DISP1: variants seen among roughly 807,000 people sequenced by gnomAD.
DISP1 encodes the protein dispatched RND transporter family member 1.
Under a neutral mutation model 37.3 loss-of-function variants are expected in DISP1, and 30 were observed. The observed-to-expected ratio is 0.80, with a 90% CI of 0.60 to 1.09. The LOEUF (loss-of-function observed/expected upper bound fraction) is 1.09, where lower values mean the gene tolerates loss of function less well. Ranked by LOEUF, DISP1 falls within the 50% of genes least tolerant of loss-of-function variation. The probability of loss-of-function intolerance (pLI) is 0.00; values close to 1 mark genes in which losing one functional copy is unlikely to be tolerated. For missense variants in DISP1, 1,598 were observed against 1,879.5 expected, an observed-to-expected ratio of 0.85 and a Z score of 2.77; for synonymous variants, 634 against 690.2, an observed-to-expected ratio of 0.92 and a Z score of 1.28.
At chr1:222,833,245 A>G (rs546322107) in intron 1 of DISP1, among the ~76,000 whole-genome samples, 63 of 152,322 alleles carry the variant, frequency 4.1e-4, no homozygotes, top group Non-Finnish European at 8.4e-4. Flanking sequence ...CAAAGTGATA[A>G]GAGTTGAGAT....
rs545934949 is a variant in DISP1, at chr1:222,874,832, G to A, written c.-158-53598G>A. 3.1e-3 allele frequency among the ~76,000 whole-genome samples: 476 copies of A among 151,972 alleles called. 2 individuals are homozygous for A. Among genetic ancestry groups the A allele is most frequent in the Non-Finnish European group, 5.0e-3 (338 of 67,932 alleles). On this transcript the variant is annotated intron_variant, in intron 1 of 8. Transcript: ENST00000675850. ...TGCGTTCCTTTGGAGGAGGAGAGGC[G>A]CTCTGATTTTTAGAGTTTCCTGTTT...
intron 2 of DISP1, among the ~76,000 whole-genome samples, chr1:222,937,004 TA>T: frequency 1.0e-5 from 1 of 98,332 alleles, no homozygotes; most frequent in Non-Finnish European, 2.0e-5. Flanking sequence ...TTATATAATA[TA>T]GAATATTATA....
At chr1:222,829,575 G>A (rs1406632369) in intron 1 of DISP1, among the ~76,000 whole-genome samples, 1 of 151,952 alleles carries the variant, frequency 6.6e-6, no homozygotes, top group East Asian at 1.9e-4. Context: ...GAGTAGCTGG[G>A]ATTACAGGCG....
chr1:222,844,801 TTCTG>T (rs1365292603), intron 1 of DISP1, among the ~76,000 whole-genome samples: 1 of 152,156 alleles, frequency 6.6e-6, no homozygotes, highest in African/African-American at 2.4e-5. Flanking sequence ...ATAATTGTAT[TTCTG>T]TGTGAGTCGT....
chr1:222,883,920 G>A (rs1234601682), intron 1 of DISP1, among the ~76,000 whole-genome samples: 2 of 152,138 alleles, frequency 1.3e-5, no homozygotes, highest in East Asian at 3.9e-4. Context: ...GGTGAGAGGG[G>A]CTCTGATTGT....
intron 1 of DISP1, chr1:222,836,891 A>G: frequency 5.1e-6 from 2 of 390,976 alleles, no homozygotes; most frequent in Non-Finnish European, 9.0e-6. Context: ...TAGGTAAATA[A>G]CTCTGATTTT....
At position 223,002,764 on chromosome 1, in the gene DISP1, C is replaced by T; in HGVS notation, c.1367C>T (p.Ser456Phe). 6.2e-7 allele frequency: 1 copy of T among 1,614,194 alleles called. No homozygotes were observed. The highest frequency in any genetic ancestry group is 8.5e-7 in the Non-Finnish European group (1 of 1,180,038). The change falls in exon 9 of 9, where the codon TCT becomes TTT. Residue 456 changes from serine to phenylalanine, a missense_variant. Ser to Phe is a radical substitution (Grantham distance 155). Coordinates refer to ENST00000675850, the MANE Select transcript of DISP1 (RefSeq NM_001377229.1). Reference sequence around the variant, plus strand: ...GCTTTAAAATACAGCATGCTCTTCTCTCCCACAGAGAAAGGGGAGAGCATG... The same window carrying T: ...GCTTTAAAATACAGCATGCTCTTCTTTCCCACAGAGAAAGGGGAGAGCATG... Reference protein sequence around the residue: ...TPALKYSMLFSPTEKGESMMN... With the variant: ...TPALKYSMLFFPTEKGESMMN...
chr1:222,828,866 A>G (rs905854572), intron 1 of DISP1, among the ~76,000 whole-genome samples: 4 of 152,134 alleles, frequency 2.6e-5, no homozygotes, highest in Non-Finnish European at 5.9e-5. Flanking sequence ...AAATACAACA[A>G]TTTTTGGTGA....
intron 3 of DISP1, among the ~76,000 whole-genome samples, chr1:222,981,184 C>A (rs1363326703): frequency 1.3e-5 from 2 of 152,228 alleles, no homozygotes; most frequent in African/African-American, 4.8e-5. Context: ...GAGGTTAATA[C>A]TTTTTGCCCT....
intron 3 of DISP1, chr1:222,943,576 G>A: frequency 1.7e-6 from 1 of 583,760 alleles, no homozygotes; most frequent in Admixed American, 3.1e-5. Context: ...AAACTGGTTA[G>A]GAATATCTGC....
At chr1:222,980,594 C>T (rs910318826) in intron 3 of DISP1, among the ~76,000 whole-genome samples, 1 of 152,124 alleles carries the variant, frequency 6.6e-6, no homozygotes, top group Admixed American at 6.5e-5. Context: ...ACTGATCTGA[C>T]ATCCACAAAG....
intron 2 of DISP1, 23 bp from the exon 3 acceptor site, chr1:222,942,784 G>A (rs372474189): frequency 3.1e-5 from 50 of 1,613,716 alleles, no homozygotes; most frequent in Admixed American, 1.0e-4. Context: ...GTAACTGGGC[G>A]ATTTTATGAT....
intron 1 of DISP1, among the ~76,000 whole-genome samples, chr1:222,898,255 G>A (rs780015011): frequency 6.6e-6 from 1 of 152,120 alleles, no homozygotes; most frequent in East Asian, 1.9e-4. Flanking sequence ...GTATCAAAAT[G>A]TCTTTTTCAG....
chr1:222,898,782 G>A (rs1440406040), intron 1 of DISP1, among the ~76,000 whole-genome samples: 1 of 152,106 alleles, frequency 6.6e-6, no homozygotes, highest in Non-Finnish European at 1.5e-5. Context: ...AATAGATAAT[G>A]TATGAGGCTG....
intron 2 of DISP1, among the ~76,000 whole-genome samples, chr1:222,935,023 A>G (rs1186796903): frequency 6.6e-6 from 1 of 152,182 alleles, no homozygotes; most frequent in Non-Finnish European, 1.5e-5. Flanking sequence ...TCTTGCCATA[A>G]CTGAGGCATA....
rs764299272 is a variant in DISP1, at chr1:222,943,316, CA to C, written c.494del (p.His165ProfsTer2). On this transcript the variant is annotated frameshift_variant, in exon 3 of 9. Transcript: ENST00000675850. LOFTEE classifies it high-confidence loss of function. ...DHFQHQPVQQ[H>X]IANIRPSRPF... ...TTTTCAGCATCAGCCTGTGCAACAG[CA>C]CATAGCCAACATAAGGTAAGTGATC... 18 of 1,614,238 alleles carry C rather than the reference CA, an allele frequency of 1.1e-5. No homozygotes were observed. The highest frequency in any genetic ancestry group is 1.5e-5 in the Non-Finnish European group (18 of 1,180,050).
intron 3 of DISP1, among the ~76,000 whole-genome samples, chr1:222,965,396 T>G (rs1482086202): frequency 6.6e-6 from 1 of 152,220 alleles, no homozygotes; most frequent in African/African-American, 2.4e-5. Context: ...TACTTAATAC[T>G]TTAACTTCAT....
chr1:222,949,221 C>G (rs1276435058), intron 3 of DISP1, among the ~76,000 whole-genome samples: 1 of 151,958 alleles, frequency 6.6e-6, no homozygotes, highest in Non-Finnish European at 1.5e-5. Context: ...ATGGCGAAAC[C>G]CTGTCTCTGC....
At chr1:223,001,704 T>C (rs186863718) in intron 8 of DISP1, among the ~76,000 whole-genome samples, 449 of 152,318 alleles carry the variant, frequency 2.9e-3, no homozygotes, top group Non-Finnish European at 4.0e-3. Context: ...CCTCATGACC[T>C]CTTATAAAAG....
Sources: allele counts gnomAD v4.1 joint callset (sites outside exome capture counted in the v4.1 genomes callset), GRCh38; gene constraint gnomAD v4.1.1; transcripts MANE v1.5; gene names NCBI Gene and HGNC (gene_info 2026-07-23, HGNC 2026-07-21).